The following SLC9A4 variants were observed in gnomAD, a reference collection of about 807,000 sequenced individuals.
SLC9A4 encodes the protein sodium/hydrogen exchanger 4.
Under a neutral mutation model 67.4 loss-of-function variants are expected in SLC9A4, and 63 were observed. That is an observed-to-expected ratio of 0.93 (90% CI 0.76 to 1.15). The LOEUF is 1.15. Among genes scored for constraint, SLC9A4 ranks in the 50% most tolerant of loss-of-function variants. The pLI, the probability that SLC9A4 is intolerant of heterozygous loss-of-function variation, is 0.00. For synonymous variants in SLC9A4, 393 were observed against 367.2 expected (o/e 1.07, Z -0.80); for missense variants, 1,089 against 987.7 (o/e 1.10, Z -1.38).
chr2:102,512,939 G>T (rs1345545473), intron 7 of SLC9A4, among the ~76,000 whole-genome samples: 5 of 151,060 alleles, frequency 3.3e-5, no homozygotes, highest in African/African-American at 7.4e-5. Context: ...GGTCAGAGAG[G>T]CTGGCAGCGA....
chr2:102,484,873 T>C (rs369105169), intron 2 of SLC9A4, among the ~76,000 whole-genome samples: 29 of 152,164 alleles, frequency 1.9e-4, no homozygotes, highest in African/African-American at 6.7e-4. Context: ...CTTCCCCTTT[T>C]CCTCATCCCT....
chr2:102,523,904 C>T (rs1411885367), intron 9 of SLC9A4, among the ~76,000 whole-genome samples: 1 of 152,212 alleles, frequency 6.6e-6, no homozygotes, highest in African/African-American at 2.4e-5. Flanking sequence ...ACTCATCTTT[C>T]AAGACTCATC....
intron 2 of SLC9A4, among the ~76,000 whole-genome samples, chr2:102,502,712 C>A (rs1030531070): frequency 6.6e-6 from 1 of 152,238 alleles, no homozygotes; most frequent in African/African-American, 2.4e-5. Flanking sequence ...GGCCAGACAT[C>A]AGTCAGCAAT....
At chr2:102,528,038 C>G (rs532174382) in intron 11 of SLC9A4, among the ~76,000 whole-genome samples, 3 of 152,104 alleles carry the variant, frequency 2.0e-5, no homozygotes, top group South Asian at 2.1e-4. Flanking sequence ...AGATGAGTCT[C>G]TCTCTGTCAC....
chr2:102,487,447 G>A (rs991865942), intron 2 of SLC9A4, among the ~76,000 whole-genome samples: 2 of 152,126 alleles, frequency 1.3e-5, no homozygotes, highest in Non-Finnish European at 2.9e-5. Flanking sequence ...TGCACTTGTG[G>A]AGTCTAAGCC....
At chr2:102,521,607 A>T (rs1358756675) in intron 9 of SLC9A4, among the ~76,000 whole-genome samples, 1 of 152,190 alleles carries the variant, frequency 6.6e-6, no homozygotes, top group Non-Finnish European at 1.5e-5. Context: ...TACAAAGGTC[A>T]TAAGAATTCT....
chr2:102,491,681 C>G (rs1378996741), intron 2 of SLC9A4, among the ~76,000 whole-genome samples: 1 of 152,134 alleles, frequency 6.6e-6, no homozygotes, highest in Non-Finnish European at 1.5e-5. Flanking sequence ...GGTGGGAACA[C>G]AGCCAAATCA....
intron 3 of SLC9A4, 93 bp downstream of exon 3, chr2:102,503,800 A>C: frequency 2.0e-6 from 3 of 1,485,098 alleles, no homozygotes; most frequent in Non-Finnish European, 2.7e-6. Context: ...GACATAACCA[A>C]TGACGCTAAC....
At chr2:102,510,596 G>A (rs1228810975) in intron 6 of SLC9A4, among the ~76,000 whole-genome samples, 1 of 152,200 alleles carries the variant, frequency 6.6e-6, no homozygotes, top group Admixed American at 6.5e-5. Context: ...GCAACATCTA[G>A]AGTACTGTTT....
chr2:102,505,353 C>T lies in SLC9A4; in HGVS notation c.1080C>T (p.Ser360=), dbSNP rs372637294. 1.6e-5 allele frequency: 26 copies of T among 1,614,196 alleles called. No individual in the cohort carries two copies. The South Asian group carries it at 2.4e-4, about 15-fold the overall frequency. ...AGTACTTCATGAAGATGCTGAGCAG[C>T]GTCAGCGAGACCTTGATCTTCATCT... ...TIKYFMKMLS[S]VSETLIFIFM... The change falls in exon 4 of 12, where the codon AGC becomes AGT. Residue 360 remains serine (S), a synonymous_variant. Coordinates refer to ENST00000295269, the MANE Select transcript of SLC9A4 (RefSeq NM_001011552.4).
intron 3 of SLC9A4, among the ~76,000 whole-genome samples, chr2:102,504,606 T>C (rs916412466): frequency 6.6e-6 from 1 of 152,230 alleles, no homozygotes; most frequent in African/African-American, 2.4e-5. Context: ...CGGCATTATC[T>C]TTCTTTCCAG....
At chr2:102,490,340 A>G (rs1684670427) in intron 2 of SLC9A4, among the ~76,000 whole-genome samples, 1 of 152,178 alleles carries the variant, frequency 6.6e-6, no homozygotes, top group Non-Finnish European at 1.5e-5. Flanking sequence ...CACATTATGG[A>G]GGTTGGAAGT....
At chr2:102,525,409 G>T (rs1367905232) in intron 10 of SLC9A4, among the ~76,000 whole-genome samples, 1 of 151,706 alleles carries the variant, frequency 6.6e-6, no homozygotes, top group African/African-American at 2.4e-5. Context: ...CCACACACTT[G>T]GTGTGCTATG....
rs1674664657 is a variant in SLC9A4 at position 102,526,305 on chromosome 2, C to G, written c.1997C>G (p.Pro666Arg). ...IRYLSYPYGN[P>R]QSAGRDTRAA... is the part of the protein sequence containing the mutation. ...TACCTCTCCTACCCCTACGGGAATC[C>G]TCAGTCTGCAGGAAGAGACACAAGG... is the stretch of plus-strand genomic sequence containing the variant. Residue 666 changes from proline to arginine, a missense_variant, in exon 11 of 12, where the codon CCT becomes CGT. Coordinates refer to ENST00000295269, the MANE Select transcript of SLC9A4 (RefSeq NM_001011552.4). 3 of 1,613,930 alleles carry G rather than the reference C, an allele frequency of 1.9e-6. No individual in the cohort carries two copies. In the East Asian group the frequency reaches 6.7e-5, roughly 36 times the overall value.
rs1400874035 is a variant in SLC9A4, at chr2:102,479,220, C to T, written c.638C>T (p.Ala213Val). 6.2e-7 allele frequency: 1 copy of T among 1,614,184 alleles called. No homozygotes were observed. Among genetic ancestry groups the T allele is most frequent in the Non-Finnish European group, 8.5e-7 (1 of 1,180,028 alleles). ...ISAVDPVAVL[A>V]VFEEARVNEQ... is the part of the protein sequence containing the mutation. Reference sequence around the variant, plus strand: ...GCCGTGGACCCAGTGGCCGTGCTAGCCGTGTTTGAGGAAGCGCGCGTGAAC... The same window carrying T: ...GCCGTGGACCCAGTGGCCGTGCTAGTCGTGTTTGAGGAAGCGCGCGTGAAC... Residue 213 changes from alanine (A) to valine (V), a missense_variant, in exon 2 of 12, where the codon GCC becomes GTC. Physicochemically the swap from Ala to Val is moderately conservative, Grantham distance 64. Transcript: ENST00000295269.
At chr2:102,489,276 A>C (rs1684651016) in intron 2 of SLC9A4, among the ~76,000 whole-genome samples, 1 of 152,170 alleles carries the variant, frequency 6.6e-6, no homozygotes, top group African/African-American at 2.4e-5. Context: ...CTTGGATGGC[A>C]CCATGGGTGA....
At chr2:102,483,407 G>A (rs766553780) in intron 2 of SLC9A4, among the ~76,000 whole-genome samples, 97 of 152,294 alleles carry the variant, frequency 6.4e-4, no homozygotes, top group Middle Eastern at 3.4e-3. Context: ...GCCTTCTTGG[G>A]GGCAGCAGTC....
intron 2 of SLC9A4, among the ~76,000 whole-genome samples, chr2:102,484,567 C>T (rs1448833110): frequency 2.6e-5 from 4 of 152,198 alleles, no homozygotes; most frequent in African/African-American, 9.6e-5. Flanking sequence ...TGTATTGAAG[C>T]AGCTCCCGGA....
chr2:102,476,852 A>G (rs1684344973), intron 1 of SLC9A4, among the ~76,000 whole-genome samples: 1 of 152,184 alleles, frequency 6.6e-6, no homozygotes, highest in Non-Finnish European at 1.5e-5. Context: ...TAAAATAAAG[A>G]GGAGGAAGAG....
Sources: allele counts gnomAD v4.1 joint callset (sites outside exome capture counted in the v4.1 genomes callset), GRCh38; gene constraint gnomAD v4.1.1; transcripts MANE v1.5; gene names NCBI Gene and HGNC (gene_info 2026-07-23, HGNC 2026-07-21).